DEPTOR: variants seen among roughly 807,000 people sequenced by gnomAD.
DEPTOR encodes DEP domain-containing mTOR-interacting protein.
A neutral mutation model predicts 41.6 loss-of-function variants in DEPTOR; 41 were observed. The ratio of observed to expected loss-of-function variants is 0.98; its 90% CI spans 0.77 to 1.28. The LOEUF is 1.28. Ranked by LOEUF, DEPTOR falls within the 50% of genes most tolerant of loss-of-function variation. The pLI, the probability that DEPTOR is intolerant of heterozygous loss-of-function variation, is 0.00. For missense variants in DEPTOR, 514 were observed against 527.9 expected, an observed-to-expected ratio of 0.97 and a Z score of 0.26; for synonymous variants, 195 against 192.3, an observed-to-expected ratio of 1.01 and a Z score of -0.12.
intron 4 of DEPTOR, among the ~76,000 whole-genome samples, chr8:119,975,895 T>TG (rs1828691461): frequency 1.1e-5 from 1 of 89,386 alleles, no homozygotes; most frequent in African/African-American, 3.9e-5. Context: ...TTTTTTTTTT[T>TG]TTTGAGATGG....
chr8:119,939,241 T>C (rs1348760427), intron 3 of DEPTOR, among the ~76,000 whole-genome samples: 1 of 152,232 alleles, frequency 6.6e-6, no homozygotes, highest in Non-Finnish European at 1.5e-5. Context: ...CTAGGTCACC[T>C]AACTTTGTTG....
chr8:119,975,778 G>C (rs1186865664), intron 4 of DEPTOR, among the ~76,000 whole-genome samples: 3 of 151,972 alleles, frequency 2.0e-5, no homozygotes, highest in Admixed American at 6.6e-5. Flanking sequence ...GCTTGGTCCA[G>C]GGGAGCGTCT....
intron 1 of DEPTOR, among the ~76,000 whole-genome samples, chr8:119,874,936 T>C (rs75113975): frequency 0.019 from 2,821 of 152,280 alleles, 85 homozygotes; most frequent in African/African-American, 0.063. Context: ...CTGTTACTTC[T>C]AGTTCTTAGC....
At chr8:119,978,887 C>T (rs189308945) in intron 4 of DEPTOR, among the ~76,000 whole-genome samples, 20 of 152,096 alleles carry the variant, frequency 1.3e-4, no homozygotes, top group African/African-American at 2.7e-4. Context: ...ACATCTGGGT[C>T]GTCTTTTCTG....
intron 1 of DEPTOR, among the ~76,000 whole-genome samples, chr8:119,922,036 G>A (rs1409976270): frequency 6.6e-6 from 1 of 151,892 alleles, no homozygotes; most frequent in Non-Finnish European, 1.5e-5. Context: ...TCAGGCGTTT[G>A]AGACCAGCCT....
At chr8:119,973,292 T>C (rs1462609866) in intron 4 of DEPTOR, among the ~76,000 whole-genome samples, 1 of 151,892 alleles carries the variant, frequency 6.6e-6, no homozygotes, top group Non-Finnish European at 1.5e-5. Context: ...TGGAGTGCAA[T>C]GACATGATCA....
chr8:119,904,829 T>C (rs1006307844), intron 1 of DEPTOR, among the ~76,000 whole-genome samples: 20 of 152,112 alleles, frequency 1.3e-4, no homozygotes, highest in African/African-American at 4.3e-4. Flanking sequence ...TCTTCCTCTG[T>C]TGCCCAGGCT....
chr8:120,050,474 G>A lies in DEPTOR; in HGVS notation c.*770G>A, dbSNP rs528013297. The A allele has an allele frequency of 3.9e-5, 6 of 152,260 alleles. No individual in the cohort carries two copies. The highest frequency in any genetic ancestry group is 5.9e-5 in the Non-Finnish European group (4 of 68,026). The allele number at this position is 152,260 out of a possible 1,614,324, so 9.4% of individuals were successfully genotyped here. ...CCTGAATATGTTGAATGTTAAAATA[G>A]AGAAGTTTGTATATACACATAATTA... On this transcript the variant is annotated 3_prime_UTR_variant, in exon 9 of 9. Coordinates refer to ENST00000286234, the MANE Select transcript of DEPTOR (RefSeq NM_022783.4).
intron 1 of DEPTOR, among the ~76,000 whole-genome samples, chr8:119,898,727 T>TAA (rs552676126): frequency 7.1e-5 from 9 of 127,080 alleles, no homozygotes; most frequent in Middle Eastern, 3.6e-3. Context: ...AAATAAAAAC[T>TAA]AAAAAAAAAA....
chr8:119,932,779 G>A (rs191789328), intron 3 of DEPTOR, among the ~76,000 whole-genome samples: 1 of 152,244 alleles, frequency 6.6e-6, no homozygotes, highest in African/African-American at 2.4e-5. Context: ...GGGTGGTGGG[G>A]TACTTTAAAT....
chr8:119,907,987 G>C (rs755864437), intron 1 of DEPTOR, among the ~76,000 whole-genome samples: 2 of 152,112 alleles, frequency 1.3e-5, no homozygotes, highest in African/African-American at 2.4e-5. Context: ...CTCAGGGTGG[G>C]ACACCTAGCT....
intron 8 of DEPTOR, among the ~76,000 whole-genome samples, chr8:120,038,886 C>T (rs1328835261): frequency 6.6e-6 from 1 of 152,048 alleles, no homozygotes; most frequent in Non-Finnish European, 1.5e-5. Flanking sequence ...ATAGGACCTG[C>T]GTTGGGAATT....
chr8:119,931,554 C>T (rs1014630611), intron 3 of DEPTOR, among the ~76,000 whole-genome samples: 5 of 152,154 alleles, frequency 3.3e-5, no homozygotes, highest in East Asian at 1.9e-4. Context: ...CGGCCACCCT[C>T]GACTGTGTCC....
At chr8:120,016,936 C>G (rs1400260986) in intron 8 of DEPTOR, among the ~76,000 whole-genome samples, 1 of 152,126 alleles carries the variant, frequency 6.6e-6, no homozygotes, top group Admixed American at 6.5e-5. Context: ...TCTGGGAATA[C>G]TCAAACGTTC....
intron 8 of DEPTOR, among the ~76,000 whole-genome samples, chr8:120,024,505 A>G (rs1011367429): frequency 1.3e-5 from 2 of 152,194 alleles, no homozygotes; most frequent in Admixed American, 1.3e-4. Flanking sequence ...AGATGAGGTC[A>G]TAAGGGTGGG....
intron 8 of DEPTOR, among the ~76,000 whole-genome samples, chr8:120,047,239 C>T (rs746770002): frequency 4.6e-5 from 7 of 152,072 alleles, no homozygotes; most frequent in Non-Finnish European, 1.0e-4. Flanking sequence ...CCAGGCTGGT[C>T]TTGAACTTCT....
chr8:119,897,856 T>A (rs1165731091), intron 1 of DEPTOR, among the ~76,000 whole-genome samples: 1 of 152,154 alleles, frequency 6.6e-6, no homozygotes, highest in Non-Finnish European at 1.5e-5. Context: ...GCATTTGAAG[T>A]TCTTAGAATG....
intron 4 of DEPTOR, among the ~76,000 whole-genome samples, chr8:119,990,140 C>T (rs900023106): frequency 2.0e-5 from 3 of 152,010 alleles, no homozygotes; most frequent in African/African-American, 7.2e-5. Context: ...GGAATGTACC[C>T]AGCTATTATT....
At chr8:119,951,143 C>T (rs1391976959) in intron 3 of DEPTOR, among the ~76,000 whole-genome samples, 1 of 152,002 alleles carries the variant, frequency 6.6e-6, no homozygotes, top group Non-Finnish European at 1.5e-5. Context: ...CTTCATCTTA[C>T]CTCTCCTAAG....
Sources: gnomAD v4.1 joint callset for allele counts (sites outside exome capture counted in the v4.1 genomes callset) on GRCh38, gnomAD v4.1.1 for gene constraint, MANE v1.5 for transcripts, NCBI Gene and HGNC (gene_info 2026-07-23, HGNC 2026-07-21) for gene names.